Variants in RABGAP1L observed in about 807,000 individuals in gnomAD.
The protein encoded by RABGAP1L is rab GTPase-activating protein 1-like.
In RABGAP1L, 63 loss-of-function variants were observed where a neutral mutation model predicts 137.7. The observed-to-expected ratio is 0.46, with a 90% CI of 0.37 to 0.56. The LOEUF (loss-of-function observed/expected upper bound fraction) is 0.56. Among genes scored for constraint, RABGAP1L ranks in the 20% least tolerant of loss-of-function variants. The pLI is 0.00. For synonymous variants in RABGAP1L, 431 were observed against 433.7 expected, an observed-to-expected ratio of 0.99 and a Z score of 0.08; for missense variants, 1,095 against 1,244.0, an observed-to-expected ratio of 0.88 and a Z score of 1.80.
At chr1:174,218,985 CCCTAACTTTG>C (rs1669548210) in intron 1 of RABGAP1L, 130 bp from the exon 2 acceptor site, 13 of 640,118 alleles carry the variant, frequency 2.0e-5, no homozygotes, top group Non-Finnish European at 3.3e-5. Context: ...AAGGTAGCCT[CCCTAACTTTG>C]AGATAATTAT....
At chr1:174,885,547 G>A (rs1366654907) in intron 19 of RABGAP1L, among the ~76,000 whole-genome samples, 1 of 151,944 alleles carries the variant, frequency 6.6e-6, no homozygotes, top group African/African-American at 2.4e-5. Flanking sequence ...GTAGAGATGG[G>A]GTTTCACTGT....
At chr1:174,436,598 T>C (rs1163297167) in intron 13 of RABGAP1L, among the ~76,000 whole-genome samples, 1 of 152,222 alleles carries the variant, frequency 6.6e-6, no homozygotes, top group Non-Finnish European at 1.5e-5. Flanking sequence ...TCTCCCATTT[T>C]GTAGGTTGCC....
intron 4 of RABGAP1L, among the ~76,000 whole-genome samples, chr1:174,240,885 A>G (rs1024822059): frequency 1.3e-5 from 2 of 152,180 alleles, no homozygotes; most frequent in Non-Finnish European, 2.9e-5. Flanking sequence ...TAGGAAACAC[A>G]AGAATGAAGA....
intron 16 of RABGAP1L, chr1:174,701,043 AG>A: frequency 7.7e-7 from 1 of 1,297,516 alleles, no homozygotes; most frequent in Non-Finnish European, 1.0e-6. Context: ...TATTTTTCAA[AG>A]AGAGCATGTA....
chr1:174,285,203 G>A (rs1001760591), intron 10 of RABGAP1L, among the ~76,000 whole-genome samples: 2 of 152,100 alleles, frequency 1.3e-5, no homozygotes, highest in East Asian at 3.9e-4. Flanking sequence ...TTTTAGTAGA[G>A]ATGGGGTTTT....
At chr1:174,248,551 T>A (rs1672454511) in intron 5 of RABGAP1L, among the ~76,000 whole-genome samples, 1 of 152,206 alleles carries the variant, frequency 6.6e-6, no homozygotes, top group African/African-American at 2.4e-5. Context: ...GATTTCTGTA[T>A]AGTTGTTAAA....
intron 13 of RABGAP1L, among the ~76,000 whole-genome samples, chr1:174,564,661 A>AC (rs1667450818): frequency 6.6e-6 from 1 of 152,174 alleles, no homozygotes; most frequent in South Asian, 2.1e-4. Flanking sequence ...GAGTAGATAG[A>AC]TGTAATTCAG....
At chr1:174,599,981 C>T (rs1173644742) in intron 13 of RABGAP1L, among the ~76,000 whole-genome samples, 1 of 152,080 alleles carries the variant, frequency 6.6e-6, no homozygotes, top group African/African-American at 2.4e-5. Context: ...TTTCATGCTG[C>T]TGATAAAGAC....
At chr1:174,647,186 GA>G (rs1224474379) in intron 14 of RABGAP1L, among the ~76,000 whole-genome samples, 2 of 152,030 alleles carry the variant, frequency 1.3e-5, no homozygotes, top group African/African-American at 4.8e-5. Flanking sequence ...TTTCCTATTT[GA>G]ATACCCTTTA....
At chr1:174,492,481 A>G (rs1305997293) in intron 13 of RABGAP1L, among the ~76,000 whole-genome samples, 1 of 151,436 alleles carries the variant, frequency 6.6e-6, no homozygotes, top group Non-Finnish European at 1.5e-5. Flanking sequence ...CTGAGTAGCT[A>G]GGTTTACAGG....
intron 22 of RABGAP1L, among the ~76,000 whole-genome samples, chr1:174,976,971 G>T (rs1406787777): frequency 6.6e-6 from 1 of 152,232 alleles, no homozygotes; most frequent in Non-Finnish European, 1.5e-5. Context: ...AACAATTGAA[G>T]TCTTCTGCCA....
intron 19 of RABGAP1L, among the ~76,000 whole-genome samples, chr1:174,944,274 C>CAAAAAAAA (rs56225773): frequency 1.6e-4 from 8 of 50,868 alleles, no homozygotes; most frequent in Admixed American, 2.3e-4. Flanking sequence ...AAGACTGTCT[C>CAAAAAAAA]AAAAAAAAAA....
intron 19 of RABGAP1L, among the ~76,000 whole-genome samples, chr1:174,902,133 A>G (rs1275176993): frequency 6.6e-6 from 1 of 152,186 alleles, no homozygotes; most frequent in African/African-American, 2.4e-5. Flanking sequence ...GAAGACCCAC[A>G]TTGGGAATTG....
At chr1:174,475,333 G>A (rs1658386160) in intron 13 of RABGAP1L, among the ~76,000 whole-genome samples, 1 of 152,088 alleles carries the variant, frequency 6.6e-6, no homozygotes, top group Non-Finnish European at 1.5e-5. Context: ...TACGTTGAAT[G>A]ATTGGTTGGA....
At chr1:174,559,408 T>C (rs1667072686) in intron 13 of RABGAP1L, among the ~76,000 whole-genome samples, 1 of 152,228 alleles carries the variant, frequency 6.6e-6, no homozygotes. Context: ...TGAAGGGACT[T>C]ATCCGCATCT....
chr1:174,600,031 T>TA (rs1670293783), intron 13 of RABGAP1L, among the ~76,000 whole-genome samples: 1 of 152,114 alleles, frequency 6.6e-6, no homozygotes, highest in Non-Finnish European at 1.5e-5. Context: ...TAATTGGACT[T>TA]ACAGTTCGAC....
intron 17 of RABGAP1L, among the ~76,000 whole-genome samples, chr1:174,752,025 T>A (rs1344825069): frequency 6.6e-6 from 1 of 152,158 alleles, no homozygotes; most frequent in East Asian, 1.9e-4. Context: ...GCAAGGAACT[T>A]GACTTTCACA....
chr1:174,225,588 A>G lies in RABGAP1L; in HGVS notation c.331+4424A>G, dbSNP rs147597426. Among the ~76,000 whole-genome samples, 13 of 148,756 alleles carry G rather than the reference A, an allele frequency of 8.7e-5. No homozygotes were observed. In the East Asian group the frequency reaches 1.6e-3, roughly 18 times the overall value. On this transcript the variant is annotated intron_variant, in intron 3 of 25. Transcript: ENST00000681986. ...GCTTTCTGGTTCCAAAGTATTTTCA[A>G]TTCTCAAAACCTTTGCTGTGCTTCT...
At chr1:174,536,519 G>T (rs374086622) in intron 13 of RABGAP1L, among the ~76,000 whole-genome samples, 1 of 151,940 alleles carries the variant, frequency 6.6e-6, no homozygotes, top group African/African-American at 2.4e-5. Flanking sequence ...TATGTGGGAA[G>T]AATTATGCTT....
Sources: allele counts gnomAD v4.1 joint callset (sites outside exome capture counted in the v4.1 genomes callset), GRCh38; gene constraint gnomAD v4.1.1; transcripts MANE v1.5; gene names NCBI Gene and HGNC (gene_info 2026-07-23, HGNC 2026-07-21).